Variants in HEG1 observed in about 807,000 individuals in gnomAD.
HEG1 encodes the protein heart development protein with EGF like domains 1, also known as protein HEG homolog 1.
Under a neutral mutation model 125.6 loss-of-function variants are expected in HEG1, and 56 were observed. The ratio of observed to expected loss-of-function variants is 0.45; its 90% CI spans 0.36 to 0.56. HEG1 has a LOEUF of 0.56. Among genes scored for constraint, HEG1 ranks in the 20% least tolerant of loss-of-function variants. The pLI is 0.00. For missense variants in HEG1, 1,523 were observed against 1,670.0 expected, an observed-to-expected ratio of 0.91 and a Z score of 1.53; for synonymous variants, 644 against 668.5, an observed-to-expected ratio of 0.96 and a Z score of 0.57.
intron 15 of HEG1, among the ~76,000 whole-genome samples, chr3:124,976,930 C>G (rs1257428987): frequency 6.6e-6 from 1 of 152,122 alleles, no homozygotes; most frequent in Non-Finnish European, 1.5e-5. Context: ...CCAAATAAAC[C>G]TTTTTCTTTA....
intron 14 of HEG1, among the ~76,000 whole-genome samples, chr3:124,980,236 T>C (rs1936623538): frequency 6.6e-6 from 1 of 152,218 alleles, no homozygotes; most frequent in Non-Finnish European, 1.5e-5. Flanking sequence ...CCACTCACTA[T>C]TATAGAAAGC....
chr3:125,048,025 C>A (rs1303800565), intron 1 of HEG1, among the ~76,000 whole-genome samples: 1 of 152,158 alleles, frequency 6.6e-6, no homozygotes, highest in African/African-American at 2.4e-5. Context: ...TAGATGGGGG[C>A]TCCTGTTATT....
At chr3:124,993,577 G>A (rs1936867187) in intron 12 of HEG1, among the ~76,000 whole-genome samples, 1 of 152,194 alleles carries the variant, frequency 6.6e-6, no homozygotes, top group African/African-American at 2.4e-5. Context: ...ATCCATGGAT[G>A]GCTAACGCTG....
intron 2 of HEG1, 94 bp downstream of exon 2, chr3:125,029,101 A>G (rs1332671904): frequency 6.5e-6 from 9 of 1,379,402 alleles, no homozygotes; most frequent in East Asian, 2.5e-5. Flanking sequence ...GAAGGGCACA[A>G]TGGCTCAGAA....
chr3:124,984,883 T>A (rs1476964702), intron 14 of HEG1, among the ~76,000 whole-genome samples: 1 of 151,972 alleles, frequency 6.6e-6, no homozygotes, highest in East Asian at 1.9e-4. Context: ...AAGAGGGGAA[T>A]GGTTAAGGAA....
intron 2 of HEG1, among the ~76,000 whole-genome samples, chr3:125,028,268 C>T (rs1474904404): frequency 6.6e-6 from 1 of 152,228 alleles, no homozygotes; most frequent in Non-Finnish European, 1.5e-5. Context: ...ATGTCACTTA[C>T]TTGCTCAGAA....
chr3:124,980,635 A>G (rs1298872478), intron 14 of HEG1, among the ~76,000 whole-genome samples: 3 of 151,714 alleles, frequency 2.0e-5, no homozygotes, highest in African/African-American at 7.3e-5. Flanking sequence ...TCATGCCTCA[A>G]CCTCCTGAGT....
chr3:124,997,717 C>T lies in HEG1; in HGVS notation c.3624G>A (p.Gln1208=). The change falls in exon 12 of 17, where the codon CAG becomes CAA. Residue 1208 remains glutamine, a synonymous_variant. Transcript: ENST00000311127. ...GGCAGGAGTGGTCCATCTTGTTGAA[C>T]TGAAAGTATCCCGACTTGCACTGGC... ...ALCQCKSGYF[Q]FNKMDHSCRA... is the part of the protein sequence containing the mutation. The T allele has an allele frequency of 1.3e-6, 2 of 1,591,544 alleles. No individual in the cohort carries two copies. The highest frequency in any genetic ancestry group is 1.7e-6 in the Non-Finnish European group (2 of 1,164,490).
chr3:125,046,398 T>C (rs200125515), intron 1 of HEG1, among the ~76,000 whole-genome samples: 4 of 141,550 alleles, frequency 2.8e-5, no homozygotes, highest in Non-Finnish European at 4.6e-5. Flanking sequence ...TATATACACA[T>C]ACACACACAC....
intron 1 of HEG1, among the ~76,000 whole-genome samples, chr3:125,050,832 C>T (rs181176274): frequency 2.6e-5 from 4 of 152,310 alleles, no homozygotes; most frequent in Admixed American, 2.6e-4. Flanking sequence ...ATCTGCCACA[C>T]TCCAACAAAA....
intron 16 of HEG1, among the ~76,000 whole-genome samples, chr3:124,972,730 T>C (rs1936468009): frequency 3.3e-5 from 5 of 152,168 alleles, no homozygotes; most frequent in Admixed American, 3.3e-4. Flanking sequence ...CCTGTTCGTG[T>C]TTGCTTTATG....
rs1482724078 is a variant in HEG1, at chr3:125,008,726, G to A, written c.3193+979C>T. 2.0e-5 allele frequency among the ~76,000 whole-genome samples: 3 copies of A among 152,210 alleles called. No homozygotes were observed. The East Asian group carries it at 5.8e-4, about 29-fold the overall frequency. On this transcript the variant is annotated intron_variant, in intron 8 of 16. Coordinates refer to ENST00000311127, the MANE Select transcript of HEG1 (RefSeq NM_020733.2). Reference sequence around the variant, plus strand: ...GCATGAAAATCGCTTGAACCTGGAAGGTGGAGGTCGCAGAGAGCTGAGATG... The same window carrying A: ...GCATGAAAATCGCTTGAACCTGGAAAGTGGAGGTCGCAGAGAGCTGAGATG...
intron 12 of HEG1, among the ~76,000 whole-genome samples, chr3:124,994,784 G>A (rs190404231): frequency 2.0e-3 from 308 of 152,322 alleles, no homozygotes; most frequent in African/African-American, 7.0e-3. Context: ...GATTATAGGC[G>A]TGAGCCACTG....
rs547305136 is a variant in HEG1, at chr3:125,006,871, G to C, written c.3194-1503C>G. Among the ~76,000 whole-genome samples the C allele has an allele frequency of 6.6e-5, 10 of 152,256 alleles. No homozygotes were observed. The East Asian group carries it at 1.9e-3, about 29-fold the overall frequency. On this transcript the variant is annotated intron_variant, in intron 8 of 16. Coordinates refer to ENST00000311127, the MANE Select transcript of HEG1 (RefSeq NM_020733.2). ...CTGCTTCTTCACTTTCTCATCTCAC[G>C]TGTCTAGGCTGATACCCAGACTCTC...
At chr3:124,972,588 T>C (rs1357821454) in intron 16 of HEG1, among the ~76,000 whole-genome samples, 1 of 152,174 alleles carries the variant, frequency 6.6e-6, no homozygotes, top group African/African-American at 2.4e-5. Flanking sequence ...GGAATTATGG[T>C]TTCTGTCACA....
chr3:125,028,977 A>G (rs1159331804), intron 2 of HEG1, among the ~76,000 whole-genome samples: 1 of 152,176 alleles, frequency 6.6e-6, no homozygotes, highest in Non-Finnish European at 1.5e-5. Context: ...CTGGCCATGG[A>G]TCACAGATAC....
In HEG1 at chr3:124,973,799, C is replaced by A; in HGVS notation, c.3928G>T (p.Glu1310Ter). Residue 1310 changes from glutamate (E) to a stop codon, truncating the protein, a stop_gained, in exon 16 of 17, where the codon GAA becomes TAA. Transcript: ENST00000311127. LOFTEE classifies it high-confidence loss of function. ...KNPRSQEWGREAIEMHENGST... is the reference protein window; with the variant it reads ...KNPRSQEWGR ...CCATTCTCATGCATTTCAATAGCTT[C>A]TCGGCCCCATTCTTGTGAGCGAGGA... 3 of 1,613,984 alleles carry A rather than the reference C, an allele frequency of 1.9e-6. No homozygotes were observed. The highest frequency in any genetic ancestry group is 2.5e-6 in the Non-Finnish European group (3 of 1,179,870).
Position 124,970,562 on chromosome 3 carries a change from C to G in HEG1, c.*90G>C, listed in dbSNP as rs1936405801. 7 of 1,270,730 alleles carry G rather than the reference C, an allele frequency of 5.5e-6. No individual in the cohort carries two copies. The highest frequency in any genetic ancestry group is 7.6e-6 in the Non-Finnish European group (7 of 918,854). 78.7% of individuals were successfully genotyped at this position (1,270,730 alleles called of 1,614,324 possible). A position where few individuals can be genotyped will look rare whatever the true frequency, so the allele number is the denominator to read the frequency against. ...GCTTGCCACTCAGCGTGGCTCCCGA[C>G]AAATCCTGGGCGCAGCCTCCTGGTG... On this transcript the variant is annotated 3_prime_UTR_variant, in exon 17 of 17. Transcript: ENST00000311127.
At chr3:124,993,888 C>G (rs1936873000) in intron 12 of HEG1, among the ~76,000 whole-genome samples, 1 of 152,140 alleles carries the variant, frequency 6.6e-6, no homozygotes, top group African/African-American at 2.4e-5. Flanking sequence ...TGATATTTCT[C>G]TATTTCAAAT....
Sources: gnomAD v4.1 joint callset for allele counts (sites outside exome capture counted in the v4.1 genomes callset) on GRCh38, gnomAD v4.1.1 for gene constraint, MANE v1.5 for transcripts, NCBI Gene and HGNC (gene_info 2026-07-23, HGNC 2026-07-21) for gene names.